Variants in SMYD3 observed in about 807,000 individuals in gnomAD.
SMYD3 encodes the protein histone-lysine N-methyltransferase SMYD3.
A neutral mutation model predicts 57.7 loss-of-function variants in SMYD3; 36 were observed. The ratio of observed to expected loss-of-function variants is 0.62; its 90% confidence interval spans 0.48 to 0.82. The LOEUF (loss-of-function observed/expected upper bound fraction) is 0.82. SMYD3 is among the 40% of genes least tolerant of loss of function. SMYD3 has a pLI of 0.00. For missense variants in SMYD3, 515 were observed against 538.8 expected, an observed-to-expected ratio of 0.96 and a Z score of 0.44; for synonymous variants, 211 against 195.0, an observed-to-expected ratio of 1.08 and a Z score of -0.68.
chr1:246,286,224 A>AT (rs2064559669), intron 5 of SMYD3, among the ~76,000 whole-genome samples: 1 of 152,258 alleles, frequency 6.6e-6, no homozygotes, highest in South Asian at 2.1e-4. Context: ...AAAAAGCTTA[A>AT]TAAAGGATAA....
In SMYD3 at chr1:245,773,940, A is replaced by G. The variant is rs184571129; in HGVS notation, c.1077-9791T>C. On this transcript the variant is annotated intron_variant, in intron 10 of 11. Coordinates refer to ENST00000490107, the MANE Select transcript of SMYD3 (RefSeq NM_001167740.2). ...GCAGAAAGTTTAAAATTTTCAGAAA[A>G]TTTTAAATTTATTTGAACGTTTTAG... Among the ~76,000 whole-genome samples, 22 of 152,272 alleles carry G rather than the reference A, an allele frequency of 1.4e-4. No individual in the cohort carries two copies. In the East Asian group the frequency reaches 2.9e-3, roughly 20 times the overall value.
At chr1:246,407,036 A>G (rs886909925) in intron 1 of SMYD3, among the ~76,000 whole-genome samples, 5 of 152,242 alleles carry the variant, frequency 3.3e-5, no homozygotes, top group African/African-American at 1.2e-4. Flanking sequence ...TCTGCTATTC[A>G]GAAGGGTTGG....
intron 1 of SMYD3, among the ~76,000 whole-genome samples, chr1:246,411,520 G>A (rs181307217): frequency 6.4e-4 from 97 of 152,170 alleles, no homozygotes; most frequent in African/African-American, 2.0e-3. Flanking sequence ...AAAGACACAC[G>A]CACACATATG....
chr1:246,100,544 C>T (rs1389924072), intron 5 of SMYD3, among the ~76,000 whole-genome samples: 2 of 152,160 alleles, frequency 1.3e-5, no homozygotes, highest in Admixed American at 6.5e-5. Context: ...TGCTTGCTGA[C>T]GCTCAGGACT....
Position 245,826,502 on chromosome 1 carries a change from G to A in SMYD3, c.1076+31994C>T, listed in dbSNP as rs1409851175. ...AGTGCTAGGATTACAGCCATGAGCC[G>A]CTGCATCCAGCCAAAATTTCCTTGT... On this transcript the variant is annotated intron_variant, in intron 10 of 11. Coordinates refer to ENST00000490107, the MANE Select transcript of SMYD3 (RefSeq NM_001167740.2). 5.9e-5 allele frequency among the ~76,000 whole-genome samples: 9 copies of A among 152,176 alleles called. 1 individual carries two copies. Among genetic ancestry groups the A allele is most frequent in the African/African-American group, 1.7e-4 (7 of 41,534 alleles).
intron 10 of SMYD3, among the ~76,000 whole-genome samples, chr1:245,794,679 C>T (rs942220506): frequency 1.3e-5 from 2 of 152,230 alleles, no homozygotes; most frequent in Non-Finnish European, 2.9e-5. Flanking sequence ...CCTCCTGCCT[C>T]AGCTGCTTTT....
intron 5 of SMYD3, among the ~76,000 whole-genome samples, chr1:246,095,929 C>A (rs2060906126): frequency 6.6e-6 from 1 of 152,178 alleles, no homozygotes; most frequent in African/African-American, 2.4e-5. Flanking sequence ...TCAACTTCAA[C>A]TCCTATTTTT....
At chr1:246,320,308 G>A (rs1008580544) in intron 5 of SMYD3, among the ~76,000 whole-genome samples, 1 of 152,064 alleles carries the variant, frequency 6.6e-6, no homozygotes, top group African/African-American at 2.4e-5. Context: ...TTAAAAATTA[G>A]ATTTTGGAAA....
intron 5 of SMYD3, among the ~76,000 whole-genome samples, chr1:245,961,156 C>T (rs2057995613): frequency 6.6e-6 from 1 of 152,132 alleles, no homozygotes; most frequent in African/African-American, 2.4e-5. Flanking sequence ...ACTCTGCATT[C>T]TCCCTTGGGC....
intron 5 of SMYD3, among the ~76,000 whole-genome samples, chr1:246,048,222 G>C (rs2060004193): frequency 6.6e-6 from 1 of 152,172 alleles, no homozygotes; most frequent in African/African-American, 2.4e-5. Context: ...TTACCCAGTA[G>C]ATTGGAAAAA....
intron 5 of SMYD3, among the ~76,000 whole-genome samples, chr1:245,935,563 A>G (rs973156263): frequency 2.0e-5 from 3 of 152,178 alleles, no homozygotes; most frequent in Non-Finnish European, 4.4e-5. Context: ...TAACTAAAAT[A>G]AGAGATATCC....
intron 5 of SMYD3, among the ~76,000 whole-genome samples, chr1:246,069,674 A>G (rs1385017773): frequency 6.6e-6 from 1 of 152,212 alleles, no homozygotes; most frequent in Non-Finnish European, 1.5e-5. Flanking sequence ...CGAGCTTTTC[A>G]TCATGCCACT....
intron 10 of SMYD3, among the ~76,000 whole-genome samples, chr1:245,857,514 G>GCTGCATAGGTCTGGTCCTGGA: frequency 2.6e-5 from 1 of 38,154 alleles, no homozygotes; most frequent in South Asian, 5.5e-4. Context: ...GTTGTCCTAC[G>GCTGCATAGGTCTGGTCCTGGA]TTGCCCCTTT....
At chr1:246,046,229 T>C (rs2059960555) in intron 5 of SMYD3, among the ~76,000 whole-genome samples, 2 of 152,282 alleles carry the variant, frequency 1.3e-5, no homozygotes, top group Middle Eastern at 6.8e-3. Context: ...CCAACCCAAA[T>C]GTCCATCAAT....
At chr1:245,885,179 C>G (rs891419419) in intron 8 of SMYD3, among the ~76,000 whole-genome samples, 3 of 152,178 alleles carry the variant, frequency 2.0e-5, no homozygotes, top group African/African-American at 7.2e-5. Flanking sequence ...CATGAACCCA[C>G]CGGAAGGAAG....
intron 8 of SMYD3, among the ~76,000 whole-genome samples, chr1:245,880,465 T>C (rs1308418291): frequency 6.6e-6 from 1 of 152,220 alleles, no homozygotes; most frequent in Non-Finnish European, 1.5e-5. Context: ...TTTATAGATA[T>C]AGGTGAGTTT....
At chr1:246,444,596 T>C (rs562933998) in intron 1 of SMYD3, among the ~76,000 whole-genome samples, 4 of 152,224 alleles carry the variant, frequency 2.6e-5, no homozygotes, top group Non-Finnish European at 5.9e-5. Context: ...GAAGACTCAC[T>C]CTGCCACAGG....
At chr1:245,785,666 TGA>T (rs1479547031) in intron 10 of SMYD3, among the ~76,000 whole-genome samples, 1 of 141,990 alleles carries the variant, frequency 7.0e-6, no homozygotes, top group Non-Finnish European at 1.5e-5. Context: ...AGAGAGTGCG[TGA>T]GAGAGTGAGA....
chr1:246,408,011 T>C (rs1335948797), intron 1 of SMYD3, among the ~76,000 whole-genome samples: 3 of 151,996 alleles, frequency 2.0e-5, no homozygotes, highest in Non-Finnish European at 4.4e-5. Flanking sequence ...ATGGTGTTGC[T>C]GTGTGTCCTC....
Sources: allele counts gnomAD v4.1 joint callset (sites outside exome capture counted in the v4.1 genomes callset), GRCh38; gene constraint gnomAD v4.1.1; transcripts MANE v1.5; gene names NCBI Gene and HGNC (gene_info 2026-07-23, HGNC 2026-07-21).